PDLIM5: variants seen among roughly 807,000 people sequenced by gnomAD.
The protein encoded by PDLIM5 is PDZ and LIM domain protein 5.
PDLIM5 carries 34 observed loss-of-function variants against 64.2 expected under a neutral mutation model. That is an observed-to-expected ratio of 0.53 (90% CI 0.40 to 0.71). PDLIM5 has a LOEUF of 0.71. Among genes scored for constraint, PDLIM5 ranks in the 30% least tolerant of loss-of-function variants. PDLIM5 has a pLI of 0.00. For synonymous variants in PDLIM5, 253 were observed against 269.1 expected, an observed-to-expected ratio of 0.94 and a Z score of 0.59; for missense variants, 683 against 733.6, an observed-to-expected ratio of 0.93 and a Z score of 0.80.
At chr4:94,577,348 A>T (rs929923269) in intron 5 of PDLIM5, 10 of 456,392 alleles carry the variant, frequency 2.2e-5, no homozygotes, top group Non-Finnish European at 4.0e-5. Flanking sequence ...TGGGGCTTTG[A>T]AAGAGAAGGT....
At chr4:94,466,366 C>T (rs6835329) in intron 2 of PDLIM5, among the ~76,000 whole-genome samples, 1,787 of 152,216 alleles carry the variant, frequency 0.012, 41 homozygotes, top group African/African-American at 0.041. Context: ...AACTGGTTTC[C>T]AGACTGACTA....
Position 94,647,737 on chromosome 4 carries a change from C to G in PDLIM5, c.1284-6723C>G, listed in dbSNP as rs958395813. 2.6e-5 allele frequency among the ~76,000 whole-genome samples: 4 copies of G among 152,112 alleles called. No homozygotes were observed. The East Asian group carries it at 7.7e-4, about 29-fold the overall frequency. ...TCTTCTGAAGTGTATGTGGAACATT[C>G]TCCGGGATAGACCATATGTTAAGTC... On this transcript the variant is annotated intron_variant, in intron 9 of 12. Transcript: ENST00000317968.
chr4:94,651,937 GCAGCAGGCCCAAT>G (rs1345368723), intron 9 of PDLIM5, among the ~76,000 whole-genome samples: 1 of 152,216 alleles, frequency 6.6e-6, no homozygotes, highest in Non-Finnish European at 1.5e-5. Flanking sequence ...CCTGCGGGGT[GCAGCAGGCCCAAT>G]ATGCTGTGAT....
intron 2 of PDLIM5, among the ~76,000 whole-genome samples, chr4:94,496,243 TAAA>T (rs970723872): frequency 2.6e-5 from 4 of 152,160 alleles, no homozygotes; most frequent in Non-Finnish European, 5.9e-5. Flanking sequence ...ATTTTGTAGG[TAAA>T]AAAATAATTT....
At chr4:94,475,075 T>A (rs1294803476) in intron 2 of PDLIM5, among the ~76,000 whole-genome samples, 2 of 152,178 alleles carry the variant, frequency 1.3e-5, no homozygotes, top group Non-Finnish European at 2.9e-5. Context: ...TTATCTAAGT[T>A]ATCCCACTGA....
intron 11 of PDLIM5, among the ~76,000 whole-genome samples, chr4:94,661,077 C>G (rs1742671861): frequency 6.6e-6 from 1 of 152,000 alleles, no homozygotes; most frequent in African/African-American, 2.4e-5. Flanking sequence ...GAGCGAGACT[C>G]TGTCTCAAAA....
intron 7 of PDLIM5, chr4:94,610,173 C>T (rs1465595219): frequency 3.3e-6 from 5 of 1,524,580 alleles, no homozygotes; most frequent in South Asian, 2.4e-5. Context: ...TAAGCAGCTC[C>T]ACAGGAAATG....
At chr4:94,460,588 T>C (rs1723785154) in intron 2 of PDLIM5, among the ~76,000 whole-genome samples, 1 of 145,926 alleles carries the variant, frequency 6.9e-6, no homozygotes, top group Non-Finnish European at 1.5e-5. Flanking sequence ...GCCACTGTAC[T>C]CCAGTCTGTG....
chr4:94,489,319 G>A (rs1726644857), intron 2 of PDLIM5, among the ~76,000 whole-genome samples: 1 of 151,996 alleles, frequency 6.6e-6, no homozygotes, highest in African/African-American at 2.4e-5. Flanking sequence ...AATTATCTTA[G>A]GTTACACAAC....
chr4:94,630,151 A>G (rs1195097396), intron 8 of PDLIM5, among the ~76,000 whole-genome samples: 4 of 152,092 alleles, frequency 2.6e-5, no homozygotes, highest in Non-Finnish European at 5.9e-5. Flanking sequence ...ATTTCCTGAG[A>G]TGTTGAATTA....
intron 8 of PDLIM5, among the ~76,000 whole-genome samples, chr4:94,632,211 G>T (rs562854444): frequency 3.9e-5 from 6 of 152,268 alleles, no homozygotes; most frequent in African/African-American, 7.2e-5. Flanking sequence ...TGTTTGTCTT[G>T]TCCATATTGG....
chr4:94,525,869 A>G (rs1432924850), intron 3 of PDLIM5, among the ~76,000 whole-genome samples: 1 of 152,188 alleles, frequency 6.6e-6, no homozygotes, highest in Admixed American at 6.5e-5. Context: ...AAGAAAAGTA[A>G]TTGGTTATAA....
At chr4:94,638,283 T>C (rs573784630) in intron 8 of PDLIM5, among the ~76,000 whole-genome samples, 67 of 152,296 alleles carry the variant, frequency 4.4e-4, no homozygotes, top group Admixed American at 9.2e-4. Context: ...AAGTGAATAT[T>C]ACAGCACTTT....
intron 7 of PDLIM5, among the ~76,000 whole-genome samples, chr4:94,596,021 A>G (rs1316673515): frequency 2.6e-5 from 4 of 152,066 alleles, no homozygotes; most frequent in African/African-American, 7.2e-5. Context: ...TTGATCTTTG[A>G]TTTTCTGCTG....
At chr4:94,624,949 C>T (rs922919977) in intron 8 of PDLIM5, among the ~76,000 whole-genome samples, 1 of 152,178 alleles carries the variant, frequency 6.6e-6, no homozygotes, top group African/African-American at 2.4e-5. Context: ...AAAAGATCAT[C>T]ATGACTTCAT....
intron 2 of PDLIM5, among the ~76,000 whole-genome samples, chr4:94,469,077 G>T (rs1724618864): frequency 6.6e-6 from 1 of 152,096 alleles, no homozygotes; most frequent in Non-Finnish European, 1.5e-5. Flanking sequence ...AGAACCCATG[G>T]GGCAGACACA....
intron 2 of PDLIM5, among the ~76,000 whole-genome samples, chr4:94,501,808 A>G (rs1727948431): frequency 6.6e-6 from 1 of 152,156 alleles, no homozygotes; most frequent in Non-Finnish European, 1.5e-5. Context: ...ATCATTCATC[A>G]AGGGCATACC....
chr4:94,627,094 T>C (rs187956595), intron 8 of PDLIM5, among the ~76,000 whole-genome samples: 1 of 152,324 alleles, frequency 6.6e-6, no homozygotes, highest in East Asian at 1.9e-4. Flanking sequence ...TGCGTATATT[T>C]CATCTCTTCT....
chr4:94,595,075 G>A (rs1736961699), intron 7 of PDLIM5, among the ~76,000 whole-genome samples: 1 of 152,144 alleles, frequency 6.6e-6, no homozygotes, highest in Non-Finnish European at 1.5e-5. Context: ...GAGAGAGAGA[G>A]AAGGGGGAGG....
Sources: gnomAD v4.1 joint callset for allele counts (sites outside exome capture counted in the v4.1 genomes callset) on GRCh38, gnomAD v4.1.1 for gene constraint, MANE v1.5 for transcripts, NCBI Gene and HGNC (gene_info 2026-07-23, HGNC 2026-07-21) for gene names.